The following MTHFD1L variants were observed in gnomAD, a reference collection of about 807,000 sequenced individuals.
MTHFD1L encodes monofunctional C1-tetrahydrofolate synthase, mitochondrial.
Under a neutral mutation model 119.5 loss-of-function variants are expected in MTHFD1L, and 81 were observed. The observed-to-expected ratio is 0.68, with a 90% confidence interval of 0.57 to 0.82. MTHFD1L has a LOEUF of 0.82. Ranked by LOEUF, MTHFD1L falls within the 40% of genes least tolerant of loss-of-function variation. The pLI, the probability that MTHFD1L is intolerant of heterozygous loss-of-function variation, is 0.00. For missense variants in MTHFD1L, 1,125 were observed against 1,253.4 expected, an observed-to-expected ratio of 0.90 and a Z score of 1.55; for synonymous variants, 430 against 475.2, an observed-to-expected ratio of 0.90 and a Z score of 1.24.
chr6:150,956,395 C>T (rs1048617915), intron 17 of MTHFD1L, among the ~76,000 whole-genome samples: 2 of 152,134 alleles, frequency 1.3e-5, no homozygotes, highest in South Asian at 2.1e-4. Flanking sequence ...GGTAATACTA[C>T]ATCTGCATAA....
chr6:151,076,287 G>C (rs553027672), intron 26 of MTHFD1L, among the ~76,000 whole-genome samples: 6 of 152,226 alleles, frequency 3.9e-5, no homozygotes, highest in African/African-American at 1.4e-4. Context: ...CCAGGTTGAG[G>C]CTGTAGTAAG....
intron 20 of MTHFD1L, 71 bp from the exon 21 acceptor site, chr6:151,009,748 T>C (rs1435738309): frequency 3.2e-6 from 5 of 1,539,002 alleles, no homozygotes; most frequent in Admixed American, 3.5e-5. Context: ...GCTCGAATCA[T>C]AGTGGTGATT....
chr6:151,081,551 A>C (rs891546687), intron 26 of MTHFD1L, among the ~76,000 whole-genome samples: 23 of 151,692 alleles, frequency 1.5e-4, no homozygotes, highest in African/African-American at 5.3e-4. Context: ...ACACGCCAGT[A>C]ATCCCAGCTA....
At chr6:150,897,853 A>T (rs965055859) in intron 7 of MTHFD1L, among the ~76,000 whole-genome samples, 1 of 152,034 alleles carries the variant, frequency 6.6e-6, no homozygotes, top group African/African-American at 2.4e-5. Context: ...TTAAAAAAAA[A>T]ATTTTTTTGA....
At chr6:150,891,518 G>A (rs955118173) in intron 7 of MTHFD1L, among the ~76,000 whole-genome samples, 3 of 145,712 alleles carry the variant, frequency 2.1e-5, no homozygotes, top group Non-Finnish European at 4.5e-5. Context: ...ATATATATTA[G>A]GATTATATAT....
intron 20 of MTHFD1L, among the ~76,000 whole-genome samples, chr6:150,999,656 T>G (rs1780326242): frequency 6.6e-6 from 1 of 152,232 alleles, no homozygotes; most frequent in Non-Finnish European, 1.5e-5. Flanking sequence ...ATGTGTATAA[T>G]TTATAATATT....
chr6:150,896,551 G>C lies in MTHFD1L; in HGVS notation c.780+8570G>C, dbSNP rs139634882. 1.5e-3 allele frequency among the ~76,000 whole-genome samples: 230 copies of C among 152,288 alleles called. 5 individuals are homozygous for C. The highest frequency in any genetic ancestry group is 9.7e-3 in the Admixed American group (148 of 15,294). On this transcript the variant is annotated intron_variant, in intron 7 of 27. Coordinates refer to ENST00000367321, the MANE Select transcript of MTHFD1L (RefSeq NM_015440.5). ...AGTGGCTGAGGTCATCAGTAGCCCA[G>C]GTCATCAGTAGTGTGGAATTAAGTG...
At chr6:150,982,750 C>T (rs1195174236) in intron 20 of MTHFD1L, among the ~76,000 whole-genome samples, 1 of 150,874 alleles carries the variant, frequency 6.6e-6, no homozygotes, top group African/African-American at 2.4e-5. Context: ...CCCAGGCTGG[C>T]GTGCAGTGGC....
intron 24 of MTHFD1L, among the ~76,000 whole-genome samples, chr6:151,023,440 T>A (rs1784228978): frequency 6.6e-6 from 1 of 152,088 alleles, no homozygotes; most frequent in South Asian, 2.1e-4. Context: ...CTAGGTTCTT[T>A]ATGAAACCTC....
intron 7 of MTHFD1L, among the ~76,000 whole-genome samples, 166 bp downstream of exon 7, chr6:150,888,147 CAAGAA>C (rs1369036613): frequency 6.6e-6 from 1 of 152,196 alleles, no homozygotes; most frequent in East Asian, 1.9e-4. Context: ...GACAAACAAA[CAAGAA>C]AAGGCAACAG....
intron 21 of MTHFD1L, among the ~76,000 whole-genome samples, chr6:151,012,019 CAAAAAA>C (rs1043831602): frequency 0.055 from 3,204 of 57,936 alleles, 116 homozygotes; most frequent in East Asian, 0.46. Context: ...ACAACAACAA[CAAAAAA>C]AAAAAAAAAA....
intron 1 of MTHFD1L, among the ~76,000 whole-genome samples, chr6:150,870,976 T>A (rs892148535): frequency 6.9e-6 from 1 of 144,884 alleles, no homozygotes; most frequent in Non-Finnish European, 1.5e-5. Flanking sequence ...ATATATAAAA[T>A]ATATATAATA....
chr6:151,012,019 CAAAAAAAAAAAAAA>C lies in MTHFD1L; in HGVS notation c.2266-1741_2266-1728del, dbSNP rs1043831602. Reference sequence around the variant, plus strand: ...TCCATCTCAACAACAACAACAACAACAAAAAAAAAAAAAAAAAAAAAAAAAAAAAAAACCAGCAG... The same window carrying C: ...TCCATCTCAACAACAACAACAACAACAAAAAAAAAAAAAAAAAACCAGCAG... On this transcript the variant is annotated intron_variant, in intron 21 of 27. Coordinates refer to ENST00000367321, the MANE Select transcript of MTHFD1L (RefSeq NM_015440.5). 2.9e-4 allele frequency among the ~76,000 whole-genome samples: 17 copies of C among 58,824 alleles called. No homozygotes were observed. The South Asian group carries it at 3.1e-3, about 11-fold the overall frequency. The allele number at this position is 58,824 out of a possible 152,430, so 38.6% of individuals were successfully genotyped here.
chr6:150,877,665 A>G lies in MTHFD1L; in HGVS notation c.344A>G (p.Asn115Ser). The change falls in exon 3 of 28, where the codon AAC (asparagine) becomes AGC (serine). Residue 115 changes from asparagine (N) to serine (S), a missense_variant. By Grantham distance (46) the Asn-to-Ser change is conservative. Transcript: ENST00000367321. The stretch of plus-strand genomic sequence containing the variant: ...GACGACAACTTGATGCAGGAAATCA[A>G]CCAGAATTTGGCTGAGGAGGTGAGG... ...AGDDNLMQEI[N>S]QNLAEEAGLN... 1 of 1,614,222 alleles carries G rather than the reference A, an allele frequency of 6.2e-7. No individual in the cohort carries two copies. Among genetic ancestry groups the G allele is most frequent in the Non-Finnish European group, 8.5e-7 (1 of 1,180,040 alleles).
intron 7 of MTHFD1L, among the ~76,000 whole-genome samples, chr6:150,889,814 A>T (rs1782926835): frequency 6.6e-6 from 1 of 152,190 alleles, no homozygotes; most frequent in Admixed American, 6.5e-5. Flanking sequence ...TTCGGAAAGC[A>T]GTTTAATGGA....
intron 24 of MTHFD1L, among the ~76,000 whole-genome samples, chr6:151,029,301 A>G (rs952576234): frequency 3.3e-5 from 5 of 151,696 alleles, no homozygotes; most frequent in Non-Finnish European, 1.5e-5. Flanking sequence ...GGAGCCTGTA[A>G]TCCCAGCTGT....
intron 9 of MTHFD1L, among the ~76,000 whole-genome samples, chr6:150,921,491 A>G (rs1459166278): frequency 6.6e-6 from 1 of 152,094 alleles, no homozygotes. Context: ...ACCTCAAGTG[A>G]TCTGCCCACC....
At chr6:150,967,993 C>G (rs1731583942) in intron 19 of MTHFD1L, among the ~76,000 whole-genome samples, 1 of 152,036 alleles carries the variant, frequency 6.6e-6, no homozygotes, top group African/African-American at 2.4e-5. Flanking sequence ...TTATCCTCAT[C>G]TCTCATCCTC....
At position 150,967,253 on chromosome 6, in the gene MTHFD1L, C is replaced by T. The variant is rs1367882008; in HGVS notation, c.2013+2216C>T. Among the ~76,000 whole-genome samples the T allele has an allele frequency of 3.3e-5, 5 of 152,208 alleles. No homozygotes were observed. The East Asian group carries it at 7.7e-4, about 23-fold the overall frequency. The stretch of plus-strand genomic sequence containing the variant: ...CCTTGGAGACACCAAGTCTTTGTTG[C>T]TGTGCCCTCCTCAGAGAAGCTCAGC... On this transcript the variant is annotated intron_variant, in intron 19 of 27. Transcript: ENST00000367321.
Sources: gnomAD v4.1 joint callset for allele counts (sites outside exome capture counted in the v4.1 genomes callset) on GRCh38, gnomAD v4.1.1 for gene constraint, MANE v1.5 for transcripts, NCBI Gene and HGNC (gene_info 2026-07-23, HGNC 2026-07-21) for gene names.